The following NLRP6 variants were observed in gnomAD, a reference collection of about 807,000 sequenced individuals.
NLRP6 encodes NACHT, LRR and PYD domains-containing protein 6.
In NLRP6, 55 loss-of-function variants were observed where a neutral mutation model predicts 70.9. The observed-to-expected ratio is 0.78, with a 90% CI of 0.62 to 0.97. The LOEUF (loss-of-function observed/expected upper bound fraction) is 0.97. Ranked by LOEUF, NLRP6 falls within the 50% of genes least tolerant of loss-of-function variation. The probability of loss-of-function intolerance (pLI) is 0.00; values close to 1 mark genes in which losing one functional copy is unlikely to be tolerated. For synonymous variants in NLRP6, 652 were observed against 581.9 expected, an observed-to-expected ratio of 1.12 and a Z score of -1.73; for missense variants, 1,241 against 1,238.3, an observed-to-expected ratio of 1.00 and a Z score of -0.03.
Position 280,574 on chromosome 11 carries a change from C to T in NLRP6, c.840C>T (p.Gly280=). Reference sequence around the variant, plus strand: ...AGCGGCTGCTCTTCATCCTGGACGGCGCGGACGAGCTGCCGGCGCTGGGGG... The same window carrying T: ...AGCGGCTGCTCTTCATCCTGGACGGTGCGGACGAGCTGCCGGCGCTGGGGG... ...QPQRLLFILD[G]ADELPALGGP... is the part of the protein sequence containing the mutation. The change falls in exon 4 of 8, where the codon GGC becomes GGT. Residue 280 remains glycine (G), a synonymous_variant. Transcript: ENST00000534750. 1 of 1,466,104 alleles carries T rather than the reference C, an allele frequency of 6.8e-7. No individual in the cohort carries two copies. The highest frequency in any genetic ancestry group is 8.9e-7 in the Non-Finnish European group (1 of 1,122,830). The allele number at this position is 1,466,104 out of a possible 1,614,324, so 90.8% of individuals were successfully genotyped here.
rs1478605447 is a variant in NLRP6 at position 284,508 on chromosome 11, G to A, written c.2403G>A (p.Gln801=). 1.2e-6 allele frequency: 2 copies of A among 1,612,944 alleles called. No individual in the cohort carries two copies. ...TGCCTGACCCCCAGCGAGGGCTCCAGTACCTGGTGGGTATGCTTCGGCAGA... is the reference window on the plus strand; with the variant it reads ...TGCCTGACCCCCAGCGAGGGCTCCAATACCTGGTGGGTATGCTTCGGCAGA... ...VQLPDPQRGL[Q]YLVGMLRQSP... The change falls in exon 7 of 8, where the codon CAG becomes CAA. Residue 801 remains glutamine (Q), a synonymous_variant. Transcript: ENST00000534750.
chr11:283,445 C>T (rs964780275), intron 5 of NLRP6, among the ~76,000 whole-genome samples: 8 of 151,430 alleles, frequency 5.3e-5, no homozygotes, highest in Non-Finnish European at 1.2e-4. Context: ...TACTGAGTAG[C>T]TGGGACTACA....
chr11:278,500 C>T lies in NLRP6; in HGVS notation c.-70C>T, dbSNP rs961553142. 8 of 1,331,492 alleles carry T rather than the reference C, an allele frequency of 6.0e-6. No homozygotes were observed. In the African/African-American group the frequency reaches 1.2e-4, roughly 20 times the overall value. The allele number at this position is 1,331,492 out of a possible 1,614,324, so 82.5% of individuals were successfully genotyped here. A position where few individuals can be genotyped will look rare whatever the true frequency, so the allele number is the denominator to read the frequency against. ...CTCTAAGACTTGGCTCCAGCTCAGC[C>T]TGTGAAGGAATCACCTCTCTGATCC... On this transcript the variant is annotated 5_prime_UTR_variant, in exon 1 of 8. Transcript: ENST00000534750. The surrounding 1 kb of genome is among the most constrained non-coding windows in gnomAD (Gnocchi z 4.7).
rs771782732 is a variant in NLRP6 at position 281,150 on chromosome 11, C to T, written c.1416C>T (p.Gly472=). The change falls in exon 4 of 8, where the codon GGC becomes GGT. Residue 472 remains glycine, a synonymous_variant. Transcript: ENST00000534750. Reference sequence around the variant, plus strand: ...AACTGGAGCAACTGGAGCTTCGTGGCTCCAAAGTGCAGACGCTGTTTCTCA... The same window carrying T: ...AACTGGAGCAACTGGAGCTTCGTGGTTCCAAAGTGCAGACGCTGTTTCTCA... ...EKELEQLELR[G]SKVQTLFLSK... is the part of the protein sequence containing the mutation. 3 of 1,613,072 alleles carry T rather than the reference C, an allele frequency of 1.9e-6. No homozygotes were observed. The South Asian group carries it at 3.3e-5, about 18-fold the overall frequency.
chr11:278,452 G>A lies in NLRP6; in HGVS notation c.-118G>A, dbSNP rs1274864585. 6 of 780,536 alleles carry A rather than the reference G, an allele frequency of 7.7e-6. No homozygotes were observed. Among genetic ancestry groups the A allele is most frequent in the Non-Finnish European group, 1.2e-5 (6 of 505,184 alleles). The allele number at this position is 780,536 out of a possible 1,614,324, so 48.4% of individuals were successfully genotyped here. On this transcript the variant is annotated 5_prime_UTR_variant, in exon 1 of 8. Transcript: ENST00000534750. The surrounding 1 kb of genome is among the most constrained non-coding windows in gnomAD (Gnocchi z 4.7). ...AGCTGAGCTGCGGTGTGTGGACCCGGGGAATGGACCGGGCTGGACAACCTC... is the reference window on the plus strand; with the variant it reads ...AGCTGAGCTGCGGTGTGTGGACCCGAGGAATGGACCGGGCTGGACAACCTC...
chr11:281,915 C>A, intron 4 of NLRP6, 76 bp downstream of exon 4: 1 of 1,377,764 alleles, frequency 7.3e-7, no homozygotes, highest in Non-Finnish European at 9.8e-7. Context: ...CCTCAGTGTC[C>A]ATCTGGCATG....
rs534390821 is a variant in NLRP6 at position 284,376 on chromosome 11, C to G, written c.2345C>G (p.Pro782Arg). 6.2e-7 allele frequency: 1 copy of G among 1,602,038 alleles called. No homozygotes were observed. Among genetic ancestry groups the G allele is most frequent in the Admixed American group, 1.7e-5 (1 of 59,698 alleles). The part of the protein sequence containing the change: ...LRMLSEGLAW[P>R]QCRVQTVRVQ... ...ATGCTGAGTGAGGGCCTAGCCTGGC[C>G]GCAGTGCAGGGTGCAGACGGTCAGG... is the stretch of plus-strand genomic sequence containing the variant. The change falls in exon 6 of 8, where the codon CCG becomes CGG. Residue 782 changes from proline to arginine, a missense_variant. Coordinates refer to ENST00000534750, the MANE Select transcript of NLRP6 (RefSeq NM_001276700.2).
Position 278,632 on chromosome 11 carries a change from C to T in NLRP6, c.29+34C>T, listed in dbSNP as rs527803865. On this transcript the variant is annotated intron_variant, in intron 1 of 7. Coordinates refer to ENST00000534750, the MANE Select transcript of NLRP6 (RefSeq NM_001276700.2). The surrounding 1 kb of genome is among the most constrained non-coding windows in gnomAD (Gnocchi z 4.7). The stretch of plus-strand genomic sequence containing the variant: ...TGGCCCCAGGGTGGTCACTGGGAAC[C>T]GGCTGGTCTCAGCCCTCTGGGGCCT... The T allele has an allele frequency of 6.0e-5, 93 of 1,560,684 alleles. No homozygotes were observed. The South Asian group carries it at 8.9e-4, about 15-fold the overall frequency.
chr11:285,372 AAGGGC>A lies in NLRP6; in HGVS notation c.*72_*76del. The A allele has an allele frequency of 6.6e-7, 1 of 1,522,564 alleles. No individual in the cohort carries two copies. The highest frequency in any genetic ancestry group is 1.2e-5 in the South Asian group (1 of 85,340). The allele number at this position is 1,522,564 out of a possible 1,614,324, so 94.3% of individuals were successfully genotyped here. On this transcript the variant is annotated 3_prime_UTR_variant, in exon 8 of 8. Transcript: ENST00000534750. ...CCCTGTGGAGAGAACGGCCCATTCC[AAGGGC>A]AGGAGGATATTGCTCTCGGCCTTTG...
At chr11:279,907 A>G in intron 3 of NLRP6, 35 bp downstream of exon 3, 1 of 1,490,626 alleles carries the variant, frequency 6.7e-7, no homozygotes, top group Non-Finnish European at 8.9e-7. Context: ...GAGTGTCCCC[A>G]ACCCCACTTG....
rs150898666 is a variant in NLRP6 at position 284,563 on chromosome 11, G to T, written c.2458G>T (p.Gly820Cys). ...SPALTTLDLS[G>C]CQLPAPMVTY... ...TGCCCTGACCACCCTGGATCTCAGC[G>T]GCTGCCAACTGCCCGCCCCCATGGT... The change falls in exon 7 of 8, where the codon GGC (glycine) becomes TGC (cysteine). Residue 820 changes from glycine (G) to cysteine (C), a missense_variant. Coordinates refer to ENST00000534750, the MANE Select transcript of NLRP6 (RefSeq NM_001276700.2). 2 of 1,612,510 alleles carry T rather than the reference G, an allele frequency of 1.2e-6. No individual in the cohort carries two copies. The highest frequency in any genetic ancestry group is 3.3e-5 in the Admixed American group (2 of 59,972).
In NLRP6 at chr11:280,224, G is replaced by T. The variant is rs991925645; in HGVS notation, c.490G>T (p.Gly164Trp). 1 of 1,544,236 alleles carries T rather than the reference G, an allele frequency of 6.5e-7. No individual in the cohort carries two copies. Among genetic ancestry groups the T allele is most frequent in the South Asian group, 1.2e-5 (1 of 83,774 alleles). Residue 164 changes from glycine (G) to tryptophan (W), a missense_variant, in exon 4 of 8, where the codon GGG becomes TGG. Transcript: ENST00000534750. Reference protein sequence around the residue: ...PESAAPEEAMGPAEEPEPGRA... With the variant: ...PESAAPEEAMWPAEEPEPGRA... ...GAGCGCCGCCCCGGAGGAGGCGATG[G>T]GGCCCGCGGAAGAGCCTGAGCCGGG...
chr11:281,856 G>A lies in NLRP6; in HGVS notation c.2105+17G>A. On this transcript the variant is annotated intron_variant, in intron 4 of 7. Coordinates refer to ENST00000534750, the MANE Select transcript of NLRP6 (RefSeq NM_001276700.2). ...TGGCGGCAGGTGCGTCTCCAGGGCAGAGATACTCTCTTGTGTGTGAGGTGT... is the reference window on the plus strand; with the variant it reads ...TGGCGGCAGGTGCGTCTCCAGGGCAAAGATACTCTCTTGTGTGTGAGGTGT... 1 of 1,553,538 alleles carries A rather than the reference G, an allele frequency of 6.4e-7. No homozygotes were observed. Among genetic ancestry groups the A allele is most frequent in the South Asian group, 1.2e-5 (1 of 84,130 alleles).
chr11:279,382 C>A lies in NLRP6; in HGVS notation c.85C>A (p.Leu29Met). 3 of 1,327,664 alleles carry A rather than the reference C, an allele frequency of 2.3e-6. No homozygotes were observed. Among genetic ancestry groups the A allele is most frequent in the Non-Finnish European group, 2.9e-6 (3 of 1,039,870 alleles). 82.2% of individuals were successfully genotyped at this position (1,327,664 alleles called of 1,614,324 possible). ...GCTGCTCCTGGCTGCGCTGGAGGAA[C>A]TGAGCCAAGAGCAGCTGAAGCGCTT... is the stretch of plus-strand genomic sequence containing the variant. The part of the protein sequence containing the change: ...RELLLAALEE[L>M]SQEQLKRFRH... Residue 29 changes from leucine to methionine, a missense_variant, in exon 2 of 8, where the codon CTG becomes ATG. Coordinates refer to ENST00000534750, the MANE Select transcript of NLRP6 (RefSeq NM_001276700.2).
chr11:279,241 C>A (rs1166881221), intron 1 of NLRP6, 86 bp from the exon 2 acceptor site: 14 of 1,133,676 alleles, frequency 1.2e-5, no homozygotes, highest in Non-Finnish European at 1.6e-5. Flanking sequence ...GCCCTGCCCG[C>A]GGTGGGTTCT....
In NLRP6 at chr11:284,380, G is replaced by A; in HGVS notation, c.2349G>A (p.Gln783=). ...RMLSEGLAWP[Q]CRVQTVRVQL... The stretch of plus-strand genomic sequence containing the variant: ...TGAGTGAGGGCCTAGCCTGGCCGCA[G>A]TGCAGGGTGCAGACGGTCAGGTGAG... Residue 783 remains glutamine, a synonymous_variant, in exon 6 of 8, where the codon CAG becomes CAA. Transcript: ENST00000534750. 1 of 1,600,882 alleles carries A rather than the reference G, an allele frequency of 6.2e-7. No homozygotes were observed. The highest frequency in any genetic ancestry group is 8.5e-7 in the Non-Finnish European group (1 of 1,171,886).
Position 279,327 on chromosome 11 carries a change from C to G in NLRP6, c.30C>G (p.Ser10Arg). 1 of 1,281,862 alleles carries G rather than the reference C, an allele frequency of 7.8e-7. No individual in the cohort carries two copies. The allele number at this position is 1,281,862 out of a possible 1,614,324, so 79.4% of individuals were successfully genotyped here. A position where few individuals can be genotyped will look rare whatever the true frequency, so the allele number is the denominator to read the frequency against. Reference sequence around the variant, plus strand: ...ATGACCCGCGCCCGCCCGCCTCCAGCACGGGGCCGCGCCTCGCGGTGGCCC... The same window carrying G: ...ATGACCCGCGCCCGCCCGCCTCCAGGACGGGGCCGCGCCTCGCGGTGGCCC... The part of the protein sequence containing the change: MDQPEAPCS[S>R]TGPRLAVARE... The change falls in exon 2 of 8, where the codon AGC becomes AGG. Residue 10 changes from serine (S) to arginine (R), a missense_variant and splice_region_variant. Transcript: ENST00000534750.
At chr11:284,113 C>A in intron 5 of NLRP6, 117 bp from the exon 6 acceptor site, 1 of 877,594 alleles carries the variant, frequency 1.1e-6, no homozygotes, top group Non-Finnish European at 1.8e-6. Flanking sequence ...AAGGATGTGG[C>A]ACCAACACAT....
chr11:279,233 C>T lies in NLRP6; in HGVS notation c.30-94C>T, dbSNP rs1003510006. The T allele has an allele frequency of 5.5e-6, 6 of 1,097,310 alleles. No homozygotes were observed. The African/African-American group carries it at 9.8e-5, about 18-fold the overall frequency. The allele number at this position is 1,097,310 out of a possible 1,614,324, so 68.0% of individuals were successfully genotyped here. ...TGCTTGGCCCGGGACTCCCTGAGGCCCTGCCCGCGGTGGGTTCTCCGGCGC... is the reference window on the plus strand; with the variant it reads ...TGCTTGGCCCGGGACTCCCTGAGGCTCTGCCCGCGGTGGGTTCTCCGGCGC... On this transcript the variant is annotated intron_variant, in intron 1 of 7. Coordinates refer to ENST00000534750, the MANE Select transcript of NLRP6 (RefSeq NM_001276700.2).
Sources: gnomAD v4.1 joint callset for allele counts (sites outside exome capture counted in the v4.1 genomes callset) on GRCh38, gnomAD v4.1.1 for gene constraint, Gnocchi (gnomAD v3.1) non-coding constraint, MANE v1.5 for transcripts, NCBI Gene and HGNC (gene_info 2026-07-23, HGNC 2026-07-21) for gene names.